Variants in CRISPLD2 observed in about 807,000 individuals in gnomAD.
CRISPLD2 encodes cysteine-rich secretory protein LCCL domain-containing 2.
In CRISPLD2, 47 loss-of-function variants were observed where a neutral mutation model predicts 71.1. That is an observed-to-expected ratio of 0.66 (90% confidence interval 0.52 to 0.84). The LOEUF (loss-of-function observed/expected upper bound fraction) is 0.84. CRISPLD2 is among the 40% of genes least tolerant of loss of function. The pLI, the probability that CRISPLD2 is intolerant of heterozygous loss-of-function variation, is 0.00. For synonymous variants in CRISPLD2, 317 were observed against 250.1 expected, an observed-to-expected ratio of 1.27 and a Z score of -2.52; for missense variants, 830 against 651.1, an observed-to-expected ratio of 1.27 and a Z score of -2.99.
rs536947449 is a variant in CRISPLD2 at position 84,820,286 on chromosome 16, GC to G, written c.-75+156del. On this transcript the variant is annotated intron_variant, in intron 1 of 14. Coordinates refer to ENST00000262424, the MANE Select transcript of CRISPLD2 (RefSeq NM_031476.4). ...ATAGCGGAACACAGCTTTGCGACAT[GC>G]CCTTTTGCAGATGGAGAAACTGAGG... Among the ~76,000 whole-genome samples, 458 of 152,206 alleles carry G rather than the reference GC, an allele frequency of 3.0e-3. 1 individual carries two copies. Among genetic ancestry groups the G allele is most frequent in the Admixed American group, 6.0e-3 (91 of 15,274 alleles).
intron 6 of CRISPLD2, among the ~76,000 whole-genome samples, chr16:84,863,576 C>T (rs574278152): frequency 2.6e-5 from 4 of 152,214 alleles, no homozygotes; most frequent in South Asian, 2.1e-4. Flanking sequence ...CCCAGCTGTG[C>T]GAGCCTGGGC....
intron 1 of CRISPLD2, among the ~76,000 whole-genome samples, chr16:84,837,959 T>G (rs1325025366): frequency 6.6e-6 from 1 of 152,172 alleles, no homozygotes; most frequent in African/African-American, 2.4e-5. Flanking sequence ...TGTCAACCAC[T>G]ATTGGTAAAC....
intron 2 of CRISPLD2, 132 bp from the exon 3 acceptor site, chr16:84,845,654 A>C (rs1597454432): frequency 1.5e-6 from 1 of 685,094 alleles, no homozygotes. Context: ...TGATTTAGGA[A>C]CCCAGCAATA....
chr16:84,885,258 CG>C (rs2071602408), intron 13 of CRISPLD2, among the ~76,000 whole-genome samples: 1 of 146,564 alleles, frequency 6.8e-6, no homozygotes, highest in Non-Finnish European at 1.5e-5. Flanking sequence ...TTACCAAACT[CG>C]CCCCCGCTCA....
intron 13 of CRISPLD2, among the ~76,000 whole-genome samples, chr16:84,887,811 G>C (rs918511407): frequency 3.3e-4 from 50 of 152,318 alleles, no homozygotes; most frequent in African/African-American, 1.1e-3. Flanking sequence ...AGGAGACAGA[G>C]GTTGCGATAA....
chr16:84,879,164 C>T (rs529041331), intron 12 of CRISPLD2, among the ~76,000 whole-genome samples: 115 of 152,280 alleles, frequency 7.6e-4, no homozygotes, highest in African/African-American at 2.5e-3. Context: ...CGTCTTGATC[C>T]CCCTTGAATG....
At chr16:84,871,883 A>AG (rs2143286485) in intron 8 of CRISPLD2, among the ~76,000 whole-genome samples, 1 of 107,372 alleles carries the variant, frequency 9.3e-6, no homozygotes, top group African/African-American at 3.0e-5. Context: ...AAAAAAAAAA[A>AG]AAAAAAAAAA....
chr16:84,866,961 T>G lies in CRISPLD2; in HGVS notation c.774T>G (p.Pro258=). The G allele has an allele frequency of 1.2e-6, 2 of 1,614,024 alleles. No homozygotes were observed. The highest frequency in any genetic ancestry group is 2.2e-5 in the South Asian group (2 of 91,068). Residue 258 remains proline, a synonymous_variant, in exon 7 of 15, where the codon CCT becomes CCG. Coordinates refer to ENST00000262424, the MANE Select transcript of CRISPLD2 (RefSeq NM_031476.4). The stretch of plus-strand genomic sequence containing the variant: ...ATGAGGTGGAAACGGCTCCCATTCC[T>G]GAAGAAAACCATGTTTGGCTCCAAC... ...EMNEVETAPI[P]EENHVWLQPR... is the part of the protein sequence containing the mutation.
chr16:84,865,775 C>G (rs985509714), intron 6 of CRISPLD2, among the ~76,000 whole-genome samples: 8 of 152,102 alleles, frequency 5.3e-5, no homozygotes, highest in Non-Finnish European at 1.2e-4. Context: ...ATTGCAGATT[C>G]TGGTGAGCAG....
In CRISPLD2 at chr16:84,826,362, C is replaced by T. The variant is rs77277647; in HGVS notation, c.-75+6229C>T. 1.4e-3 allele frequency among the ~76,000 whole-genome samples: 208 copies of T among 152,384 alleles called. 1 individual carries two copies. The highest frequency in any genetic ancestry group is 4.7e-3 in the African/African-American group (194 of 41,594). The stretch of plus-strand genomic sequence containing the variant: ...TTGGCACTTTGTGCTGAAGCTGTGA[C>T]GCCCTGATGCTCCAGGGCCTGAGTC... On this transcript the variant is annotated intron_variant, in intron 1 of 14. Coordinates refer to ENST00000262424, the MANE Select transcript of CRISPLD2 (RefSeq NM_031476.4).
intron 1 of CRISPLD2, 71 bp from the exon 2 acceptor site, chr16:84,838,350 CG>C: frequency 1.1e-6 from 1 of 941,240 alleles, no homozygotes; most frequent in Non-Finnish European, 1.6e-6. Context: ...GTGCTGCGTT[CG>C]CTGCTCCAGC....
intron 14 of CRISPLD2, among the ~76,000 whole-genome samples, chr16:84,891,402 C>T (rs918286548): frequency 1.3e-5 from 2 of 152,142 alleles, no homozygotes; most frequent in South Asian, 2.1e-4. Context: ...CTTCCCGGGA[C>T]CCCTGCCCGG....
intron 13 of CRISPLD2, among the ~76,000 whole-genome samples, chr16:84,882,519 C>G (rs971527649): frequency 1.3e-5 from 2 of 152,150 alleles, no homozygotes; most frequent in Non-Finnish European, 2.9e-5. Context: ...ATTCTCCTGC[C>G]TCAGCCTCCC....
At chr16:84,846,058 G>C (rs1424216407) in intron 3 of CRISPLD2, 154 bp downstream of exon 3, 1 of 575,590 alleles carries the variant, frequency 1.7e-6, no homozygotes, top group Non-Finnish European at 3.1e-6. Context: ...TTGGCATCCA[G>C]GAACACTCCT....
intron 14 of CRISPLD2, among the ~76,000 whole-genome samples, chr16:84,894,545 C>A (rs1230008821): frequency 6.6e-6 from 1 of 152,146 alleles, no homozygotes; most frequent in African/African-American, 2.4e-5. Flanking sequence ...AATCCCTGTC[C>A]TCATAGGGGT....
intron 10 of CRISPLD2, chr16:84,873,337 G>C (rs1043700760): frequency 2.6e-6 from 1 of 388,132 alleles, no homozygotes. Context: ...AGTTAGCCAG[G>C]CGTGGTGGCA....
intron 6 of CRISPLD2, among the ~76,000 whole-genome samples, chr16:84,861,584 C>G (rs897872666): frequency 6.6e-6 from 1 of 151,956 alleles, no homozygotes; most frequent in Non-Finnish European, 1.5e-5. Context: ...TAGATGGTGC[C>G]CACCAAGACC....
chr16:84,866,863 G>A (rs1057128100), intron 6 of CRISPLD2, 34 bp from the exon 7 acceptor site: 1 of 1,598,950 alleles, frequency 6.3e-7, no homozygotes, highest in Non-Finnish European at 8.6e-7. Context: ...GAATCCCAGT[G>A]TGTTATTTTT....
intron 14 of CRISPLD2, among the ~76,000 whole-genome samples, chr16:84,890,442 C>A (rs1597482048): frequency 1.3e-5 from 2 of 152,098 alleles, no homozygotes; most frequent in South Asian, 4.1e-4. Flanking sequence ...GAGACCATAC[C>A]TTTATGGAAA....
Sources: allele counts gnomAD v4.1 joint callset (sites outside exome capture counted in the v4.1 genomes callset), GRCh38; gene constraint gnomAD v4.1.1; transcripts MANE v1.5; gene names NCBI Gene and HGNC (gene_info 2026-07-23, HGNC 2026-07-21).